DECR1: variants seen among roughly 807,000 people sequenced by gnomAD.
DECR1 encodes the protein 2,4-dienoyl-CoA reductase 1.
In DECR1, 44 loss-of-function variants were observed where a neutral mutation model predicts 38.8. The observed-to-expected ratio is 1.13, with a 90% confidence interval of 0.89 to 1.46. The LOEUF (loss-of-function observed/expected upper bound fraction) is 1.46. Ranked by LOEUF, DECR1 falls within the 40% of genes most tolerant of loss-of-function variation. DECR1 has a pLI of 0.00. For missense variants in DECR1, 428 were observed against 405.5 expected (o/e 1.06, Z -0.48); for synonymous variants, 148 against 135.2 (o/e 1.09, Z -0.66).
intron 5 of DECR1, among the ~76,000 whole-genome samples, chr8:90,033,013 A>C (rs1181366589): frequency 1.3e-5 from 2 of 152,174 alleles, no homozygotes; most frequent in Admixed American, 1.3e-4. Flanking sequence ...TACAGGTGAT[A>C]AATCTAGGGT....
chr8:90,039,900 A>T (rs1813712054), intron 6 of DECR1, among the ~76,000 whole-genome samples: 1 of 152,208 alleles, frequency 6.6e-6, no homozygotes. Context: ...TATAATAAAC[A>T]TTGGTTGAAT....
At chr8:90,032,415 A>G (rs915516232) in intron 5 of DECR1, among the ~76,000 whole-genome samples, 10 of 152,160 alleles carry the variant, frequency 6.6e-5, no homozygotes, top group African/African-American at 2.4e-4. Flanking sequence ...GACTACAGCC[A>G]GAGAAAGTTG....
At chr8:90,048,974 C>T (rs7003373) in intron 8 of DECR1, among the ~76,000 whole-genome samples, 3,345 of 152,146 alleles carry the variant, frequency 0.022, 118 homozygotes, top group African/African-American at 0.075. Flanking sequence ...AAAAGGCCTT[C>T]GACAAAATTC....
rs1396670930 is a variant in DECR1 at position 90,052,527 on chromosome 8, G to C, written c.*630G>C. Among the ~76,000 whole-genome samples the C allele has an allele frequency of 2.0e-5, 3 of 152,040 alleles. No homozygotes were observed. Among genetic ancestry groups the C allele is most frequent in the Admixed American group, 2.0e-4 (3 of 15,260 alleles). ...TAAATAATTATTTATGATACATTGT[G>C]ATAAGTATTATTCCAGCAGTATTTA... On this transcript the variant is annotated 3_prime_UTR_variant, in exon 10 of 10. Coordinates refer to ENST00000220764, the MANE Select transcript of DECR1 (RefSeq NM_001359.2).
intron 3 of DECR1, 36 bp downstream of exon 3, chr8:90,019,002 G>T (rs1563627455): frequency 1.3e-6 from 2 of 1,574,950 alleles, no homozygotes; most frequent in Non-Finnish European, 8.7e-7. Context: ...TTAGATTTAG[G>T]AATTATAACA....
intron 1 of DECR1, chr8:90,005,211 A>G (rs975002229): frequency 5.0e-6 from 2 of 403,350 alleles, no homozygotes; most frequent in African/African-American, 4.2e-5. Flanking sequence ...TGTGGAGACG[A>G]GATCAGTCAG....
chr8:90,015,483 T>G, intron 1 of DECR1: 2 of 353,756 alleles, frequency 5.7e-6, no homozygotes, highest in Non-Finnish European at 1.1e-5. Context: ...TACTGTATAT[T>G]TGTTTCTTTT....
chr8:90,022,096 G>A (rs1214693160), intron 5 of DECR1, among the ~76,000 whole-genome samples: 2 of 152,132 alleles, frequency 1.3e-5, no homozygotes, highest in African/African-American at 4.8e-5. Flanking sequence ...CTTGAAGGGT[G>A]CGGGTATTTT....
intron 5 of DECR1, among the ~76,000 whole-genome samples, chr8:90,035,936 T>G (rs1326999109): frequency 6.6e-6 from 1 of 152,112 alleles, no homozygotes; most frequent in African/African-American, 2.4e-5. Context: ...AAGGCATTTT[T>G]TTTTCTGAGC....
At position 90,017,220 on chromosome 8, in the gene DECR1, A is replaced by T. The variant is rs762264806; in HGVS notation, c.166A>T (p.Ser56Cys). The T allele has an allele frequency of 2.5e-5, 41 of 1,613,988 alleles. No individual in the cohort carries two copies. In the South Asian group the frequency reaches 4.3e-4, roughly 17 times the overall value. The change falls in exon 2 of 10, where the codon AGT becomes TGT. Residue 56 changes from serine to cysteine, a missense_variant. Transcript: ENST00000220764. ...TCAAAAAGCGATGCTACCACCTAAT[A>T]GTTTTCAAGGAAAAGTGGCATTCAT... The part of the protein sequence containing the change: ...PLQKAMLPPN[S>C]FQGKVAFITG...
rs777504937 is a variant in DECR1 at position 90,051,903 on chromosome 8, C to T, written c.*6C>T. On this transcript the variant is annotated 3_prime_UTR_variant, in exon 10 of 10. Coordinates refer to ENST00000220764, the MANE Select transcript of DECR1 (RefSeq NM_001359.2). ...GGAAGACAAAAGGTTCCTAAGACCA[C>T]TTTGGCCTTCATCTTGGTTACAGAA... is the stretch of plus-strand genomic sequence containing the variant. The T allele has an allele frequency of 6.2e-7, 1 of 1,613,076 alleles. No individual in the cohort carries two copies. The highest frequency in any genetic ancestry group is 1.1e-5 in the South Asian group (1 of 90,992).
At chr8:90,035,183 A>G (rs907649749) in intron 5 of DECR1, among the ~76,000 whole-genome samples, 2 of 152,122 alleles carry the variant, frequency 1.3e-5, no homozygotes, top group Admixed American at 1.3e-4. Context: ...TGATTATGAT[A>G]ATGTATTGAT....
intron 1 of DECR1, 198 bp from the exon 2 acceptor site, chr8:90,016,926 T>C (rs1176093974): frequency 7.8e-6 from 4 of 515,706 alleles, no homozygotes; most frequent in Non-Finnish European, 1.4e-5. Context: ...TTCTGTGCTA[T>C]GTAGTCCAGC....
At position 90,029,042 on chromosome 8, in the gene DECR1, T is replaced by A. The variant is rs148362371; in HGVS notation, c.566-7799T>A. 1.7e-3 allele frequency among the ~76,000 whole-genome samples: 264 copies of A among 152,204 alleles called. 1 individual carries two copies. Among genetic ancestry groups the A allele is most frequent in the Middle Eastern group, 6.8e-3 (2 of 294 alleles). Reference sequence around the variant, plus strand: ...ATTAAAATCGACAATTGACATAATTTAAAAAATTAGTTGTTGTAAGTGGTC... The same window carrying A: ...ATTAAAATCGACAATTGACATAATTAAAAAAATTAGTTGTTGTAAGTGGTC... On this transcript the variant is annotated intron_variant, in intron 5 of 9. Coordinates refer to ENST00000220764, the MANE Select transcript of DECR1 (RefSeq NM_001359.2).
chr8:90,022,472 G>A (rs1813187763), intron 5 of DECR1, among the ~76,000 whole-genome samples: 1 of 152,030 alleles, frequency 6.6e-6, no homozygotes, highest in Non-Finnish European at 1.5e-5. Flanking sequence ...TTTATAATTG[G>A]ATTTTGGATA....
intron 5 of DECR1, among the ~76,000 whole-genome samples, chr8:90,025,672 A>T (rs955801992): frequency 6.6e-6 from 1 of 152,070 alleles, no homozygotes; most frequent in Non-Finnish European, 1.5e-5. Flanking sequence ...TGCAAACAGG[A>T]ACAATTTGAC....
chr8:90,024,822 A>G (rs1170379710), intron 5 of DECR1, among the ~76,000 whole-genome samples: 1 of 152,170 alleles, frequency 6.6e-6, no homozygotes, highest in Admixed American at 6.5e-5. Flanking sequence ...GGTAATGCCT[A>G]GGTTTTCTTC....
At chr8:90,042,152 A>G (rs1480416697) in intron 6 of DECR1, among the ~76,000 whole-genome samples, 2 of 152,160 alleles carry the variant, frequency 1.3e-5, no homozygotes, top group South Asian at 2.1e-4. Flanking sequence ...CAACAATTAT[A>G]TTAAAGCCTA....
intron 5 of DECR1, among the ~76,000 whole-genome samples, chr8:90,035,667 A>G (rs917522497): frequency 2.6e-5 from 4 of 151,890 alleles, no homozygotes; most frequent in African/African-American, 9.7e-5. Flanking sequence ...TTGTCTATTA[A>G]TCATTTTTCT....
Sources: gnomAD v4.1 joint callset for allele counts (sites outside exome capture counted in the v4.1 genomes callset) on GRCh38, gnomAD v4.1.1 for gene constraint, MANE v1.5 for transcripts, NCBI Gene and HGNC (gene_info 2026-07-23, HGNC 2026-07-21) for gene names.